UGT1A4: variants seen among roughly 807,000 people sequenced by gnomAD.
UGT1A4 encodes the protein UDP-glucuronosyltransferase 1A4.
In UGT1A4, 32 loss-of-function variants were observed where a neutral mutation model predicts 41.1. The ratio of observed to expected loss-of-function variants is 0.78; its 90% CI spans 0.59 to 1.05. The LOEUF (loss-of-function observed/expected upper bound fraction) is 1.05, where lower values mean the gene tolerates loss of function less well. UGT1A4 is among the 50% of genes least tolerant of loss of function. UGT1A4 has a pLI of 0.00. For synonymous variants in UGT1A4, 283 were observed against 265.1 expected, an observed-to-expected ratio of 1.07 and a Z score of -0.66; for missense variants, 748 against 677.4, an observed-to-expected ratio of 1.10 and a Z score of -1.16.
intron 1 of UGT1A4, chr2:233,760,361 C>T: frequency 6.2e-7 from 1 of 1,614,110 alleles, no homozygotes; most frequent in Non-Finnish European, 8.5e-7. Flanking sequence ...CCAGTGGTGT[C>T]CCATGCTGGG....
intron 1 of UGT1A4, among the ~76,000 whole-genome samples, chr2:233,758,868 C>T (rs1697003822): frequency 1.3e-5 from 2 of 152,158 alleles, no homozygotes; most frequent in South Asian, 4.1e-4. Context: ...ACAATACTTG[C>T]CCCATAGTCC....
At chr2:233,737,138 G>A (rs1186912259) in intron 1 of UGT1A4, among the ~76,000 whole-genome samples, 2 of 152,230 alleles carry the variant, frequency 1.3e-5, no homozygotes, top group African/African-American at 4.8e-5. Flanking sequence ...GCTGCCTTTT[G>A]TTCAGATATG....
chr2:233,740,463 A>G (rs1427389799), intron 1 of UGT1A4, among the ~76,000 whole-genome samples: 2 of 151,964 alleles, frequency 1.3e-5, no homozygotes, highest in Non-Finnish European at 2.9e-5. Context: ...AAGATGATGG[A>G]CAGAAAGGAT....
At chr2:233,768,582 CTTT>C (rs139595073) in intron 4 of UGT1A4, 143 bp downstream of exon 4, 59,155 of 999,984 alleles carry the variant, frequency 0.059, 10 homozygotes, top group East Asian at 0.12. Flanking sequence ...TTTATTTCTT[CTTT>C]TTTTTTTTTT....
intron 1 of UGT1A4, among the ~76,000 whole-genome samples, chr2:233,746,350 C>T (rs1287151444): frequency 6.6e-6 from 1 of 151,744 alleles, no homozygotes; most frequent in Non-Finnish European, 1.5e-5. Flanking sequence ...GTTTATGTTG[C>T]TCCTTTAGTA....
At chr2:233,737,930 G>C (rs867585936) in intron 1 of UGT1A4, among the ~76,000 whole-genome samples, 3 of 152,128 alleles carry the variant, frequency 2.0e-5, no homozygotes, top group African/African-American at 7.2e-5. Flanking sequence ...ATTTAGTAGT[G>C]AGTCCATTGA....
At chr2:233,724,443 C>A in intron 1 of UGT1A4, among the ~76,000 whole-genome samples, 1 of 122,836 alleles carries the variant, frequency 8.1e-6, no homozygotes, top group Non-Finnish European at 1.7e-5. Flanking sequence ...ACTTCTCAGA[C>A]AGGGCAGCTG....
chr2:233,729,379 A>C, intron 1 of UGT1A4: 1 of 1,613,990 alleles, frequency 6.2e-7, no homozygotes, highest in South Asian at 1.1e-5. Context: ...CATTTCGTGG[A>C]CCCAGGATGA....
Position 233,729,005 on chromosome 2 carries a change from CTG to C in UGT1A4, c.867+9320_867+9321del, listed in dbSNP as rs1444389059. ...TAATAATTAACTAGAGGAGGGCACT[CTG>C]TCTTCCAATTACACGTTGATTTGCT... On this transcript the variant is annotated intron_variant, in intron 1 of 4. Coordinates refer to ENST00000373409, the MANE Select transcript of UGT1A4 (RefSeq NM_007120.3). The C allele has an allele frequency of 3.2e-6, 5 of 1,574,922 alleles. No individual in the cohort carries two copies. In the East Asian group the frequency reaches 1.1e-4, roughly 36 times the overall value.
intron 1 of UGT1A4, chr2:233,748,135 T>A (rs1220195478): frequency 6.8e-6 from 11 of 1,609,160 alleles, no homozygotes; most frequent in Admixed American, 3.3e-5. Context: ...TTTTTAAAAA[T>A]TGTATTTACT....
At chr2:233,765,900 A>G (rs1255156851) in intron 1 of UGT1A4, among the ~76,000 whole-genome samples, 1 of 152,060 alleles carries the variant, frequency 6.6e-6, no homozygotes, top group Non-Finnish European at 1.5e-5. Flanking sequence ...GCCACTGCTC[A>G]AACCTCTAGG....
At chr2:233,743,556 T>A in intron 1 of UGT1A4, 1 of 1,367,030 alleles carries the variant, frequency 7.3e-7, no homozygotes, top group Non-Finnish European at 9.8e-7. Flanking sequence ...CCCAAAATAT[T>A]CTCCAGCGGG....
At chr2:233,748,098 A>C in intron 1 of UGT1A4, 1 of 1,612,702 alleles carries the variant, frequency 6.2e-7, no homozygotes, top group Non-Finnish European at 8.5e-7. Flanking sequence ...TCGTGCCTTC[A>C]TCCAATCAAT....
chr2:233,727,225 C>T (rs1417750017), intron 1 of UGT1A4, among the ~76,000 whole-genome samples: 8 of 152,168 alleles, frequency 5.3e-5, no homozygotes, highest in South Asian at 4.1e-4. Context: ...TCCACATATG[C>T]GGATGGCTCC....
At chr2:233,743,793 C>A (rs768890081) in intron 1 of UGT1A4, 2 of 1,367,374 alleles carry the variant, frequency 1.5e-6, no homozygotes, top group Admixed American at 3.8e-5. Flanking sequence ...CTCCTCTCCG[C>A]TTCCTCCTTG....
At chr2:233,771,667 A>C (rs1238919275) in intron 4 of UGT1A4, 1 of 152,440 alleles carries the variant, frequency 6.6e-6, no homozygotes, top group African/African-American at 2.4e-5. Flanking sequence ...AATTTCTCAC[A>C]AAATATCACT....
At chr2:233,727,134 A>G (rs920073471) in intron 1 of UGT1A4, among the ~76,000 whole-genome samples, 2 of 152,208 alleles carry the variant, frequency 1.3e-5, no homozygotes, top group Non-Finnish European at 2.9e-5. Flanking sequence ...AGAGGGGAAC[A>G]AGACCACACA....
At chr2:233,726,774 A>G (rs1289365787) in intron 1 of UGT1A4, among the ~76,000 whole-genome samples, 2 of 152,220 alleles carry the variant, frequency 1.3e-5, no homozygotes, top group African/African-American at 4.8e-5. Flanking sequence ...CTAAGCTTAA[A>G]GTGAAACCCA....
intron 1 of UGT1A4, chr2:233,761,078 A>G: frequency 3.7e-6 from 6 of 1,614,128 alleles, no homozygotes; most frequent in Non-Finnish European, 5.1e-6. Flanking sequence ...GTGAAGGATT[A>G]CCCTAGGCCC....
Sources: gnomAD v4.1 joint callset for allele counts (sites outside exome capture counted in the v4.1 genomes callset) on GRCh38, gnomAD v4.1.1 for gene constraint, MANE v1.5 for transcripts, NCBI Gene and HGNC (gene_info 2026-07-23, HGNC 2026-07-21) for gene names.